ZNF410: variants seen among roughly 807,000 people sequenced by gnomAD.
ZNF410 encodes the protein zinc finger protein 410, also known as another partner for ARF 1.
In ZNF410, 18 loss-of-function variants were observed where a neutral mutation model predicts 54.8. The observed-to-expected ratio is 0.33, with a 90% CI of 0.23 to 0.49. ZNF410 has a LOEUF of 0.49. Among genes scored for constraint, ZNF410 ranks in the 20% least tolerant of loss-of-function variants. The pLI, the probability that ZNF410 is intolerant of heterozygous loss-of-function variation, is 0.99. For synonymous variants in ZNF410, 191 were observed against 207.3 expected, an observed-to-expected ratio of 0.92 and a Z score of 0.68; for missense variants, 405 against 569.6, an observed-to-expected ratio of 0.71 and a Z score of 2.94.
intron 8 of ZNF410, chr14:73,916,824 T>C (rs2055674972): frequency 6.8e-6 from 1 of 146,582 alleles, no homozygotes; most frequent in East Asian, 2.1e-4. Context: ...AAAAAAAAAA[T>C]ACAAAAATTA....
At chr14:73,912,278 T>C (rs945089692) in intron 8 of ZNF410, among the ~76,000 whole-genome samples, 3 of 151,344 alleles carry the variant, frequency 2.0e-5, no homozygotes, top group Non-Finnish European at 1.5e-5. Flanking sequence ...CAAGCAATTC[T>C]CCCGTCTCAG....
intron 5 of ZNF410, 160 bp downstream of exon 5, chr14:73,898,422 T>C: frequency 1.2e-6 from 1 of 849,592 alleles, no homozygotes. Context: ...ATAAAATAAC[T>C]TGGTCATGCC....
At chr14:73,903,209 G>A (rs1204950731) in intron 5 of ZNF410, among the ~76,000 whole-genome samples, 1 of 152,094 alleles carries the variant, frequency 6.6e-6, no homozygotes, top group Non-Finnish European at 1.5e-5. Flanking sequence ...GCTCACTGCA[G>A]CCTCCGCCTC....
intron 8 of ZNF410, among the ~76,000 whole-genome samples, chr14:73,917,962 C>G (rs2055693309): frequency 6.6e-6 from 1 of 152,280 alleles, no homozygotes; most frequent in Middle Eastern, 3.4e-3. Context: ...CATAAAATGG[C>G]ATGGTATTTG....
intron 5 of ZNF410, among the ~76,000 whole-genome samples, chr14:73,900,324 T>C (rs2055386235): frequency 6.6e-6 from 1 of 152,162 alleles, no homozygotes; most frequent in Non-Finnish European, 1.5e-5. Flanking sequence ...AAATTAACAT[T>C]ATAGGTTGCT....
At chr14:73,904,185 C>G in intron 6 of ZNF410, 75 bp downstream of exon 6, 1 of 1,522,638 alleles carries the variant, frequency 6.6e-7, no homozygotes. Flanking sequence ...ACTTGCCCCT[C>G]AGGTTGACAA....
intron 6 of ZNF410, 111 bp from the exon 7 acceptor site, chr14:73,904,791 T>C: frequency 2.5e-6 from 3 of 1,189,862 alleles, no homozygotes; most frequent in Admixed American, 5.3e-5. Flanking sequence ...GATTCTGATA[T>C]ATCCAGTTTT....
chr14:73,917,126 T>C (rs1025115063), intron 8 of ZNF410, among the ~76,000 whole-genome samples: 2 of 152,244 alleles, frequency 1.3e-5, no homozygotes, highest in African/African-American at 4.8e-5. Flanking sequence ...CAGGGGATTT[T>C]TTTGTACTTT....
At chr14:73,917,475 G>A (rs571187512) in intron 8 of ZNF410, among the ~76,000 whole-genome samples, 1 of 152,066 alleles carries the variant, frequency 6.6e-6, no homozygotes, top group African/African-American at 2.4e-5. Flanking sequence ...ACAAGCAAAT[G>A]CAGGTTATTT....
intron 7 of ZNF410, among the ~76,000 whole-genome samples, chr14:73,908,079 G>T (rs924300053): frequency 6.6e-6 from 1 of 152,092 alleles, no homozygotes; most frequent in Non-Finnish European, 1.5e-5. Context: ...CCTTCCCCAT[G>T]CAAATAAGTG....
At chr14:73,912,498 G>A (rs1363684305) in intron 8 of ZNF410, among the ~76,000 whole-genome samples, 1 of 152,086 alleles carries the variant, frequency 6.6e-6, no homozygotes, top group Non-Finnish European at 1.5e-5. Context: ...ATTCCTAAAT[G>A]ATACCTGAAT....
chr14:73,928,324 G>T (rs756553163), intron 11 of ZNF410, among the ~76,000 whole-genome samples: 26 of 152,108 alleles, frequency 1.7e-4, no homozygotes, highest in Non-Finnish European at 2.5e-4. Flanking sequence ...GGAGTAGAGG[G>T]CCTCTGTGGA....
Position 73,888,773 on chromosome 14 carries a change from A to T in ZNF410, c.-150+1858A>T, listed in dbSNP as rs977333733. Among the ~76,000 whole-genome samples the T allele has an allele frequency of 2.0e-5, 3 of 152,302 alleles. No individual in the cohort carries two copies. The South Asian group carries it at 6.2e-4, about 32-fold the overall frequency. On this transcript the variant is annotated intron_variant, in intron 1 of 11. Coordinates refer to ENST00000555044, the MANE Select transcript of ZNF410 (RefSeq NM_021188.3). ...TACATAGTACGTTGCTCTGTTAAAG[A>T]TGAGATCCCCACAGTACACTTGATA...
intron 8 of ZNF410, among the ~76,000 whole-genome samples, chr14:73,910,442 A>G (rs892536112): frequency 6.6e-6 from 1 of 152,170 alleles, no homozygotes; most frequent in Non-Finnish European, 1.5e-5. Context: ...TGAATAATCA[A>G]TAATCAGAAG....
At chr14:73,912,617 A>C (rs1452389323) in intron 8 of ZNF410, among the ~76,000 whole-genome samples, 1 of 152,230 alleles carries the variant, frequency 6.6e-6, no homozygotes, top group African/African-American at 2.4e-5. Flanking sequence ...GGACTCTTCC[A>C]CTAATATCAA....
chr14:73,896,491 AAG>A lies in ZNF410; in HGVS notation c.346_347del (p.Ser116Ter). On this transcript the variant is annotated frameshift_variant, in exon 4 of 12. Transcript: ENST00000555044. LOFTEE classifies it high-confidence loss of function. ...CTAGCTTGTTGCAAGATCTACAGCC[AAG>A]TGATAGCACTTCTTTTATTCTTCTT... ...SSSLLQDLQP[S>X]DSTSFILLNL... is the part of the protein sequence containing the mutation. 1 of 1,614,230 alleles carries A rather than the reference AAG, an allele frequency of 6.2e-7. No individual in the cohort carries two copies. The highest frequency in any genetic ancestry group is 8.5e-7 in the Non-Finnish European group (1 of 1,180,042).
intron 8 of ZNF410, among the ~76,000 whole-genome samples, chr14:73,918,140 G>A (rs188062218): frequency 7.6e-4 from 116 of 151,864 alleles, no homozygotes; most frequent in Non-Finnish European, 1.4e-3. Flanking sequence ...ATGGAGTCTC[G>A]CTCTGTTGCC....
chr14:73,924,822 G>A (rs1477903552), intron 11 of ZNF410: 2 of 350,042 alleles, frequency 5.7e-6, no homozygotes, highest in Non-Finnish European at 1.1e-5. Flanking sequence ...TACTACAGGT[G>A]CGTGCCACCA....
At chr14:73,912,251 C>G (rs2140313464) in intron 8 of ZNF410, among the ~76,000 whole-genome samples, 1 of 151,602 alleles carries the variant, frequency 6.6e-6, no homozygotes, top group South Asian at 2.1e-4. Flanking sequence ...CTCACTGCAG[C>G]CTCCGCCTCC....
Sources: allele counts gnomAD v4.1 joint callset (sites outside exome capture counted in the v4.1 genomes callset), GRCh38; gene constraint gnomAD v4.1.1; transcripts MANE v1.5; gene names NCBI Gene and HGNC (gene_info 2026-07-23, HGNC 2026-07-21).